Variants in RAPGEF2 observed in about 807,000 individuals in gnomAD.
RAPGEF2 encodes the protein Rap guanine nucleotide exchange factor 2.
In RAPGEF2, 54 loss-of-function variants were observed where a neutral mutation model predicts 186.7. The observed-to-expected ratio is 0.29, with a 90% confidence interval of 0.23 to 0.36. The LOEUF is 0.36. RAPGEF2 is among the 10% of genes least tolerant of loss of function. RAPGEF2 has a pLI of 1.00. For synonymous variants in RAPGEF2, 712 were observed against 705.9 expected (o/e 1.01, Z -0.14); for missense variants, 1,532 against 2,045.0 (o/e 0.75, Z 4.84).
chr4:159,254,293 C>A (rs1755863698), intron 7 of RAPGEF2, among the ~76,000 whole-genome samples: 1 of 152,142 alleles, frequency 6.6e-6, no homozygotes, highest in Non-Finnish European at 1.5e-5. Flanking sequence ...AGGTTTTACC[C>A]ATTTTTGCTT....
chr4:159,295,744 TGTGTGTGTGTGCGCGCGCGCGCGC>T (rs1761896321), intron 7 of RAPGEF2, among the ~76,000 whole-genome samples: 1 of 132,682 alleles, frequency 7.5e-6, no homozygotes, highest in Non-Finnish European at 1.6e-5. Flanking sequence ...TGTGTGTGTG[TGTGTGTGTGTGCGCGCGCGCGCGC>T]GCGCGCATGC....
chr4:159,200,351 A>C (rs1749273509), intron 3 of RAPGEF2, among the ~76,000 whole-genome samples: 1 of 152,064 alleles, frequency 6.6e-6, no homozygotes, highest in African/African-American at 2.4e-5. Flanking sequence ...CTGTGGTCCC[A>C]GCACTGCTCA....
intron 1 of RAPGEF2, among the ~76,000 whole-genome samples, chr4:159,133,523 T>G (rs1741342050): frequency 6.6e-6 from 1 of 152,020 alleles, no homozygotes; most frequent in South Asian, 2.1e-4. Flanking sequence ...GCAGTTCTCC[T>G]GCCTCAGCCT....
chr4:159,171,521 CAG>C (rs1561041214), intron 1 of RAPGEF2, among the ~76,000 whole-genome samples: 1 of 152,040 alleles, frequency 6.6e-6, no homozygotes, highest in Admixed American at 6.6e-5. Context: ...GCCTGGCAAG[CAG>C]AGAGTATGCA....
intron 3 of RAPGEF2, among the ~76,000 whole-genome samples, chr4:159,206,583 A>G (rs560806164): frequency 3.3e-5 from 5 of 152,334 alleles, no homozygotes; most frequent in Non-Finnish European, 1.5e-5. Context: ...ATACACATGT[A>G]AAAACCCTCC....
intron 7 of RAPGEF2, among the ~76,000 whole-genome samples, chr4:159,299,956 T>A (rs987333754): frequency 6.6e-6 from 1 of 151,954 alleles, no homozygotes; most frequent in Admixed American, 6.6e-5. Context: ...TATGCTTATA[T>A]AAAGTATTAC....
intron 7 of RAPGEF2, among the ~76,000 whole-genome samples, chr4:159,285,365 A>G (rs1175931829): frequency 6.6e-6 from 1 of 152,184 alleles, no homozygotes; most frequent in Non-Finnish European, 1.5e-5. Context: ...TCTGAATTCT[A>G]TGAATTACAG....
At chr4:159,168,310 A>G (rs780709026) in intron 1 of RAPGEF2, among the ~76,000 whole-genome samples, 4 of 152,182 alleles carry the variant, frequency 2.6e-5, no homozygotes, top group East Asian at 1.9e-4. Context: ...ACTAATTACA[A>G]TATTCAAAGG....
intron 4 of RAPGEF2, among the ~76,000 whole-genome samples, chr4:159,220,613 A>G (rs1331412886): frequency 6.6e-6 from 1 of 152,174 alleles, no homozygotes; most frequent in African/African-American, 2.4e-5. Flanking sequence ...CTTTTGTCTA[A>G]GCTGTTCTGT....
chr4:159,129,720 A>C (rs902561281), intron 1 of RAPGEF2, among the ~76,000 whole-genome samples: 1 of 152,138 alleles, frequency 6.6e-6, no homozygotes, highest in Non-Finnish European at 1.5e-5. Flanking sequence ...ATGAAGTTCT[A>C]ATTTAGTTAG....
chr4:159,277,408 G>A (rs189644747), intron 7 of RAPGEF2, among the ~76,000 whole-genome samples: 1 of 152,322 alleles, frequency 6.6e-6, no homozygotes, highest in Admixed American at 6.5e-5. Context: ...CTTTATAGCA[G>A]CATATGATTT....
intron 5 of RAPGEF2, 108 bp downstream of exon 5, chr4:159,238,992 G>C: frequency 3.6e-5 from 20 of 558,140 alleles, no homozygotes; most frequent in Non-Finnish European, 5.0e-5. Context: ...AGAAAATATT[G>C]TATATTTTCT....
intron 1 of RAPGEF2, among the ~76,000 whole-genome samples, chr4:159,110,578 C>CA (rs1273605767): frequency 6.6e-6 from 1 of 151,960 alleles, no homozygotes; most frequent in Non-Finnish European, 1.5e-5. Flanking sequence ...AACCCCATCT[C>CA]AAAAAAACAA....
chr4:159,304,984 A>G (rs1201975196), intron 8 of RAPGEF2, among the ~76,000 whole-genome samples: 2 of 152,184 alleles, frequency 1.3e-5, no homozygotes, highest in African/African-American at 4.8e-5. Flanking sequence ...AGTGGCCTCC[A>G]CTTCCATCCA....
chr4:159,104,126 G>A lies in RAPGEF2; in HGVS notation c.-37G>A. Reference sequence around the variant, plus strand: ...CGCTGGGCCGGGAGGAGGCCGGCCAGGGTGCGGAGCGGCCCCGGCCCGCTC... The same window carrying A: ...CGCTGGGCCGGGAGGAGGCCGGCCAAGGTGCGGAGCGGCCCCGGCCCGCTC... On this transcript the variant is annotated 5_prime_UTR_variant, in exon 1 of 30. Coordinates refer to ENST00000691494, the MANE Select transcript of RAPGEF2 (RefSeq NM_001394067.2). 2.8e-6 allele frequency: 4 copies of A among 1,420,894 alleles called. No homozygotes were observed. Among genetic ancestry groups the A allele is most frequent in the South Asian group, 1.3e-5 (1 of 77,008 alleles). 88.0% of individuals were successfully genotyped at this position (1,420,894 alleles called of 1,614,324 possible).
intron 9 of RAPGEF2, among the ~76,000 whole-genome samples, 194 bp downstream of exon 9, chr4:159,314,962 T>C (rs182444919): frequency 1.1e-3 from 172 of 152,210 alleles, no homozygotes; most frequent in African/African-American, 3.8e-3. Context: ...TTCAGGAGTC[T>C]ACAAATAATA....
chr4:159,351,194 G>A (rs749288384), intron 26 of RAPGEF2: 2 of 1,529,922 alleles, frequency 1.3e-6, no homozygotes, highest in Non-Finnish European at 8.7e-7. Context: ...GGGGTTTATA[G>A]AACCAAAAAT....
At chr4:159,166,625 G>A (rs1441333646) in intron 1 of RAPGEF2, among the ~76,000 whole-genome samples, 1 of 151,980 alleles carries the variant, frequency 6.6e-6, no homozygotes, top group East Asian at 1.9e-4. Context: ...GGGATTGTGG[G>A]GAGTAAAAAG....
At chr4:159,251,973 C>G (rs562646456) in intron 7 of RAPGEF2, among the ~76,000 whole-genome samples, 3 of 152,098 alleles carry the variant, frequency 2.0e-5, no homozygotes, top group Non-Finnish European at 4.4e-5. Flanking sequence ...AGCTTCCCTC[C>G]TGAAGTCAGA....
Sources: gnomAD v4.1 joint callset for allele counts (sites outside exome capture counted in the v4.1 genomes callset) on GRCh38, gnomAD v4.1.1 for gene constraint, MANE v1.5 for transcripts, NCBI Gene and HGNC (gene_info 2026-07-23, HGNC 2026-07-21) for gene names.